NEMP2: variants seen among roughly 807,000 people sequenced by gnomAD.
The protein encoded by NEMP2 is nuclear envelope integral membrane protein 2.
In NEMP2, 53 loss-of-function variants were observed where a neutral mutation model predicts 54.2. That is an observed-to-expected ratio of 0.98 (90% CI 0.78 to 1.23). NEMP2 has a LOEUF of 1.23. Ranked by LOEUF, NEMP2 falls within the 50% of genes most tolerant of loss-of-function variation. The probability of loss-of-function intolerance (pLI) is 0.00; values close to 1 mark genes in which losing one functional copy is unlikely to be tolerated. For synonymous variants in NEMP2, 197 were observed against 190.3 expected (o/e 1.04, Z -0.29); for missense variants, 455 against 511.3 (o/e 0.89, Z 1.06).
At chr2:190,497,445 C>A in the NEMP2 span, 14 of 1,613,118 alleles carry the variant, frequency 8.7e-6, no homozygotes, top group East Asian at 2.2e-5. This position sits in a 1 kb window ranked among gnomAD's most constrained non-coding sequence, Gnocchi z 5.2. Context: ...CCAGACAAGA[C>A]AATGTTGGCA....
chr2:190,549,895 T>G, the NEMP2 span, among the ~76,000 whole-genome samples: 135 of 152,358 alleles, frequency 8.9e-4, no homozygotes, highest in South Asian at 2.7e-3. Flanking sequence ...GCATTAATGC[T>G]TGGTTCTACC....
At position 190,513,085 on chromosome 2, in the gene NEMP2, C is replaced by T. The variant is rs1209439799; in HGVS notation, c.953+1368G>A. On this transcript the variant is annotated intron_variant, in intron 7 of 8. Transcript: ENST00000409150. This position sits in a 1 kb window ranked among gnomAD's most constrained non-coding sequence, Gnocchi z 5.3. ...ACCACTGTGATGTCTGATAACTGTT[C>T]TCCTGCCACAGGGGCCTCCCCTTTA... Among the ~76,000 whole-genome samples the T allele has an allele frequency of 1.3e-5, 2 of 152,214 alleles. No individual in the cohort carries two copies. The highest frequency in any genetic ancestry group is 2.9e-5 in the Non-Finnish European group (2 of 68,036).
At chr2:190,466,004 G>A in the NEMP2 span, among the ~76,000 whole-genome samples, 502 of 152,214 alleles carry the variant, frequency 3.3e-3, 7 homozygotes, top group African/African-American at 0.011. Context: ...CACAGTTCTG[G>A]AGGCAAAAAG....
chr2:190,589,653 G>C, the NEMP2 span, among the ~76,000 whole-genome samples: 1 of 152,106 alleles, frequency 6.6e-6, no homozygotes, highest in Admixed American at 6.6e-5. This position sits in a 1 kb window ranked among gnomAD's most constrained non-coding sequence, Gnocchi z 4.3. Context: ...GTATTCACTG[G>C]GCTGCTGTGG....
chr2:190,474,540 C>A, the NEMP2 span, among the ~76,000 whole-genome samples: 1 of 152,138 alleles, frequency 6.6e-6, no homozygotes, highest in African/African-American at 2.4e-5. Context: ...TCTGAATAGA[C>A]CAATAAAAGG....
At chr2:190,552,164 T>G in the NEMP2 span, among the ~76,000 whole-genome samples, 9 of 152,220 alleles carry the variant, frequency 5.9e-5, no homozygotes, top group African/African-American at 2.2e-4. Flanking sequence ...TGTTTTGGGC[T>G]TCCCTCATTC....
the NEMP2 span, among the ~76,000 whole-genome samples, chr2:190,541,337 G>A: frequency 6.6e-6 from 1 of 151,958 alleles, no homozygotes; most frequent in East Asian, 1.9e-4. This position sits in a 1 kb window ranked among gnomAD's most constrained non-coding sequence, Gnocchi z 5.2. Context: ...GTTATTTGAA[G>A]TCTTTCTACT....
the NEMP2 span, among the ~76,000 whole-genome samples, chr2:190,613,743 A>G: frequency 6.6e-6 from 1 of 152,072 alleles, no homozygotes; most frequent in Non-Finnish European, 1.5e-5. Flanking sequence ...GCCCACCACC[A>G]TGCCCGGCTA....
At chr2:190,632,966 C>A in the NEMP2 span, among the ~76,000 whole-genome samples, 1 of 152,188 alleles carries the variant, frequency 6.6e-6, no homozygotes, top group Non-Finnish European at 1.5e-5. The surrounding 1 kb of genome is among the most constrained non-coding windows in gnomAD (Gnocchi z 4.8). Flanking sequence ...CTCTTCCATA[C>A]CCATCCAACA....
At chr2:190,598,643 T>C in the NEMP2 span, among the ~76,000 whole-genome samples, 1 of 152,380 alleles carries the variant, frequency 6.6e-6, no homozygotes, top group South Asian at 2.1e-4. Flanking sequence ...AGTTAGGCTT[T>C]ACTGCGATTC....
chr2:190,474,423 G>T, the NEMP2 span, among the ~76,000 whole-genome samples: 2 of 152,186 alleles, frequency 1.3e-5, no homozygotes, highest in Non-Finnish European at 1.5e-5. Flanking sequence ...TACCATCAGA[G>T]AATACTATAA....
the NEMP2 span, among the ~76,000 whole-genome samples, chr2:190,589,191 A>T: frequency 6.6e-6 from 1 of 152,112 alleles, no homozygotes; most frequent in African/African-American, 2.4e-5. This position sits in a 1 kb window ranked among gnomAD's most constrained non-coding sequence, Gnocchi z 4.3. Flanking sequence ...TAGCAAAAGG[A>T]GGTCATTTCT....
the NEMP2 span, among the ~76,000 whole-genome samples, chr2:190,481,724 G>A: frequency 6.6e-6 from 1 of 152,156 alleles, no homozygotes; most frequent in African/African-American, 2.4e-5. Context: ...TGCATGAAGG[G>A]GATTCTTGCA....
chr2:190,493,024 C>T, the NEMP2 span, among the ~76,000 whole-genome samples: 1 of 151,882 alleles, frequency 6.6e-6, no homozygotes, highest in East Asian at 1.9e-4. Flanking sequence ...AATAGTACCT[C>T]ACATTTCAAT....
the NEMP2 span, among the ~76,000 whole-genome samples, chr2:190,554,511 T>C: frequency 6.6e-6 from 1 of 152,212 alleles, no homozygotes; most frequent in Non-Finnish European, 1.5e-5. This position sits in a 1 kb window ranked among gnomAD's most constrained non-coding sequence, Gnocchi z 5.7. Flanking sequence ...TAGGTGGTTT[T>C]ACCCTCACAG....
At chr2:190,596,621 A>G in the NEMP2 span, among the ~76,000 whole-genome samples, 1 of 152,212 alleles carries the variant, frequency 6.6e-6, no homozygotes. This position sits in a 1 kb window ranked among gnomAD's most constrained non-coding sequence, Gnocchi z 5.1. Context: ...CTTCCCATAG[A>G]AAAACATTGG....
At chr2:190,640,787 A>ATTT in the NEMP2 span, among the ~76,000 whole-genome samples, 17 of 118,028 alleles carry the variant, frequency 1.4e-4, no homozygotes, top group African/African-American at 5.2e-4. Context: ...AACACATTCA[A>ATTT]TTTTTTTTTT....
In NEMP2 at chr2:190,530,829, T is replaced by C. The variant is rs1176760200; in HGVS notation, c.97+3730A>G. 1.3e-5 allele frequency among the ~76,000 whole-genome samples: 2 copies of C among 152,286 alleles called. No individual in the cohort carries two copies. Among genetic ancestry groups the C allele is most frequent in the East Asian group, 1.9e-4 (1 of 5,174 alleles). ...TTATTGCTGGTTAATTCTACTAGGA[T>C]AGAACCTCCGGTAGCAGATGTAGGC... is the stretch of plus-strand genomic sequence containing the variant. On this transcript the variant is annotated intron_variant, in intron 1 of 8. Transcript: ENST00000409150. The surrounding 1 kb of genome is among the most constrained non-coding windows in gnomAD (Gnocchi z 4.6).
chr2:190,570,573 C>T, the NEMP2 span, among the ~76,000 whole-genome samples: 1 of 152,106 alleles, frequency 6.6e-6, no homozygotes, highest in Non-Finnish European at 1.5e-5. The surrounding 1 kb of genome is among the most constrained non-coding windows in gnomAD (Gnocchi z 5.4). Context: ...TGTCCACACC[C>T]CAAAGACAGG....
Sources: allele counts gnomAD v4.1 joint callset (sites outside exome capture counted in the v4.1 genomes callset), GRCh38; gene constraint gnomAD v4.1.1; non-coding constraint Gnocchi (gnomAD v3.1); transcripts MANE v1.5; gene names NCBI Gene and HGNC (gene_info 2026-07-23, HGNC 2026-07-21).